SNX29: variants seen among roughly 807,000 people sequenced by gnomAD.
The protein encoded by SNX29 is sorting nexin-29.
A neutral mutation model predicts 102.1 loss-of-function variants in SNX29; 78 were observed. The observed-to-expected ratio is 0.76, with a 90% CI of 0.64 to 0.92. The LOEUF (loss-of-function observed/expected upper bound fraction) is 0.92. SNX29 is among the 40% of genes least tolerant of loss of function. The pLI is 0.00. For synonymous variants in SNX29, 580 were observed against 414.5 expected, an observed-to-expected ratio of 1.40 and a Z score of -4.85; for missense variants, 1,280 against 1,061.7, an observed-to-expected ratio of 1.21 and a Z score of -2.86.
chr16:12,042,840 C>G, intron 4 of SNX29, 57 bp from the exon 5 acceptor site: 2 of 1,537,416 alleles, frequency 1.3e-6, no homozygotes, highest in Non-Finnish European at 8.8e-7. Context: ...GTGTGTTCCT[C>G]TCCCAGTGCT....
chr16:12,453,035 TAAG>T (rs2086377028), intron 18 of SNX29, among the ~76,000 whole-genome samples: 1 of 152,142 alleles, frequency 6.6e-6, no homozygotes, highest in African/African-American at 2.4e-5. Flanking sequence ...TCCCCAGCAG[TAAG>T]ACCTGGGGCT....
chr16:12,086,269 G>A (rs955149841), intron 11 of SNX29, among the ~76,000 whole-genome samples: 4 of 152,158 alleles, frequency 2.6e-5, no homozygotes. Flanking sequence ...GTCTCAAAGT[G>A]TTGGGATTAC....
chr16:12,340,708 T>G (rs1000862060), intron 15 of SNX29, among the ~76,000 whole-genome samples: 1 of 152,114 alleles, frequency 6.6e-6, no homozygotes, highest in Non-Finnish European at 1.5e-5. Flanking sequence ...CTCCCCTGTC[T>G]CTCTTTCACA....
chr16:12,187,838 A>T (rs1449255478), intron 13 of SNX29, among the ~76,000 whole-genome samples: 1 of 152,086 alleles, frequency 6.6e-6, no homozygotes, highest in Non-Finnish European at 1.5e-5. Flanking sequence ...AGTTGAGTCC[A>T]TGAGAGGCTC....
At chr16:12,343,135 T>C (rs2081664377) in intron 15 of SNX29, among the ~76,000 whole-genome samples, 1 of 152,216 alleles carries the variant, frequency 6.6e-6, no homozygotes, top group South Asian at 2.1e-4. Flanking sequence ...TCGAAGGGAA[T>C]ATGATTAAAA....
rs114351086 is a variant in SNX29, at chr16:12,007,916, C to G, written c.122+4873C>G. ...TCTGATCCAGCCATCTGCCCTTTTT[C>G]TCCTTTTGTTTTTAAAGCTTTTCAC... On this transcript the variant is annotated intron_variant, in intron 3 of 20. Transcript: ENST00000566228. 9.2e-3 allele frequency among the ~76,000 whole-genome samples: 1,395 copies of G among 152,270 alleles called. 23 individuals are homozygous for G. The highest frequency in any genetic ancestry group is 0.031 in the African/African-American group (1,301 of 41,562).
chr16:12,449,109 C>G (rs1039881797), intron 18 of SNX29, among the ~76,000 whole-genome samples: 1 of 152,102 alleles, frequency 6.6e-6, no homozygotes, highest in African/African-American at 2.4e-5. Flanking sequence ...TCCTTACCCT[C>G]AGGTGGTGCT....
chr16:12,500,158 A>T (rs1597624263), intron 19 of SNX29, among the ~76,000 whole-genome samples: 1 of 151,384 alleles, frequency 6.6e-6, no homozygotes, highest in Non-Finnish European at 1.5e-5. Flanking sequence ...CACCTAGCTA[A>T]TTTTTTTTCT....
intron 20 of SNX29, among the ~76,000 whole-genome samples, chr16:12,567,819 T>C (rs1430926976): frequency 1.3e-5 from 2 of 151,714 alleles, no homozygotes; most frequent in Admixed American, 6.6e-5. Context: ...CTGAGCACCC[T>C]CTGCTCTCAC....
intron 20 of SNX29, among the ~76,000 whole-genome samples, chr16:12,546,041 C>T (rs1053194315): frequency 6.6e-6 from 1 of 152,190 alleles, no homozygotes; most frequent in Admixed American, 6.5e-5. Flanking sequence ...CCCTTGAGTA[C>T]ACATGATGGG....
At chr16:12,190,549 C>G (rs146122572) in intron 13 of SNX29, among the ~76,000 whole-genome samples, 1 of 152,114 alleles carries the variant, frequency 6.6e-6, no homozygotes, top group African/African-American at 2.4e-5. Context: ...GAGACACTTG[C>G]AAAATGTGTA....
chr16:12,437,385 CG>C (rs1446876658), intron 18 of SNX29, among the ~76,000 whole-genome samples: 1 of 152,170 alleles, frequency 6.6e-6, no homozygotes, highest in Non-Finnish European at 1.5e-5. Flanking sequence ...TGTCTCATAG[CG>C]GGGAGAGTCA....
intron 18 of SNX29, among the ~76,000 whole-genome samples, chr16:12,431,434 C>CTTCTTTTT (rs779738786): frequency 7.3e-5 from 10 of 136,944 alleles, no homozygotes; most frequent in African/African-American, 8.1e-5. Context: ...TCTTCTTCTT[C>CTTCTTTTT]TTTTTTTTTT....
In SNX29 at chr16:12,523,627, C is replaced by T. The variant is rs561836697; in HGVS notation, c.2179-1075C>T. Among the ~76,000 whole-genome samples the T allele has an allele frequency of 2.1e-4, 32 of 152,322 alleles. No homozygotes were observed. The South Asian group carries it at 3.3e-3, about 16-fold the overall frequency. On this transcript the variant is annotated intron_variant, in intron 19 of 20. Transcript: ENST00000566228. ...GAGAATGGTGGGCAGTAGCTCACCACGCAGTCCCAGTGTGGACCCTCTGTG... is the reference window on the plus strand; with the variant it reads ...GAGAATGGTGGGCAGTAGCTCACCATGCAGTCCCAGTGTGGACCCTCTGTG...
chr16:12,562,024 T>G (rs1018450171), intron 20 of SNX29, among the ~76,000 whole-genome samples: 5 of 152,130 alleles, frequency 3.3e-5, no homozygotes, highest in African/African-American at 1.2e-4. Flanking sequence ...GCCTGGCCCC[T>G]CATGGATTTA....
At chr16:12,500,422 A>T (rs978532535) in intron 19 of SNX29, among the ~76,000 whole-genome samples, 1 of 152,116 alleles carries the variant, frequency 6.6e-6, no homozygotes, top group Non-Finnish European at 1.5e-5. Flanking sequence ...GGTACTCAGA[A>T]AGCCAGGGCT....
rs116886361 is a variant in SNX29 at position 12,334,048 on chromosome 16, G to A, written c.1783-22115G>A. Among the ~76,000 whole-genome samples, 11 of 152,270 alleles carry A rather than the reference G, an allele frequency of 7.2e-5. No individual in the cohort carries two copies. The East Asian group carries it at 2.1e-3, about 29-fold the overall frequency. Reference sequence around the variant, plus strand: ...GGATGTTTAATTTTTAGACGGCCTTGTAGGGAAGCGAAAACATGGCTCATC... The same window carrying A: ...GGATGTTTAATTTTTAGACGGCCTTATAGGGAAGCGAAAACATGGCTCATC... On this transcript the variant is annotated intron_variant, in intron 15 of 20. Coordinates refer to ENST00000566228, the MANE Select transcript of SNX29 (RefSeq NM_032167.5).
intron 18 of SNX29, among the ~76,000 whole-genome samples, chr16:12,414,809 C>A (rs1412958019): frequency 6.6e-6 from 1 of 152,172 alleles, no homozygotes; most frequent in Non-Finnish European, 1.5e-5. Flanking sequence ...GCAACCTTCG[C>A]CTCCGGGGTT....
intron 14 of SNX29, among the ~76,000 whole-genome samples, chr16:12,230,327 A>G (rs2077731516): frequency 6.6e-6 from 1 of 152,214 alleles, no homozygotes; most frequent in Admixed American, 6.5e-5. Flanking sequence ...CAGTTGCAAT[A>G]AATAGCTTGT....
Sources: gnomAD v4.1 joint callset for allele counts (sites outside exome capture counted in the v4.1 genomes callset) on GRCh38, gnomAD v4.1.1 for gene constraint, MANE v1.5 for transcripts, NCBI Gene and HGNC (gene_info 2026-07-23, HGNC 2026-07-21) for gene names.